ATR: variants seen among roughly 807,000 people sequenced by gnomAD.
The protein encoded by ATR is serine/threonine-protein kinase ATR.
A neutral mutation model predicts 305.3 loss-of-function variants in ATR; 142 were observed. The observed-to-expected ratio is 0.47, with a 90% confidence interval of 0.41 to 0.53. The LOEUF (loss-of-function observed/expected upper bound fraction) is 0.53. Among genes scored for constraint, ATR ranks in the 20% least tolerant of loss-of-function variants. ATR has a pLI of 0.00. For synonymous variants in ATR, 1,050 were observed against 1,068.1 expected (o/e 0.98, Z 0.33); for missense variants, 2,135 against 3,133.1 (o/e 0.68, Z 7.60).
intron 4 of ATR, among the ~76,000 whole-genome samples, chr3:142,561,832 A>C (rs933817461): frequency 8.1e-4 from 123 of 152,218 alleles, no homozygotes; most frequent in African/African-American, 2.8e-3. Flanking sequence ...AATAGAAAAA[A>C]GCGCATAATT....
At chr3:142,466,560 TTTG>T (rs774035404) in intron 39 of ATR, 27 bp from the exon 40 acceptor site, 2 of 1,589,450 alleles carry the variant, frequency 1.3e-6, no homozygotes, top group African/African-American at 2.7e-5. Flanking sequence ...TGCATTTTAA[TTTG>T]TTTTTACCTT....
Position 142,475,941 on chromosome 3 carries a change from GGTT to G in ATR, c.6222-5761_6222-5759del, listed in dbSNP as rs569767545. ...ATATCCTTCGCCCACTTTTTGATGG[GGTT>G]GTTTTTTTCTTGTAAATTTGTTTGA... On this transcript the variant is annotated intron_variant, in intron 36 of 46. Transcript: ENST00000350721. Among the ~76,000 whole-genome samples the G allele has an allele frequency of 8.9e-3, 1,349 of 152,124 alleles. 20 individuals carry two copies. Among genetic ancestry groups the G allele is most frequent in the African/African-American group, 0.031 (1,276 of 41,492 alleles).
intron 45 of ATR, among the ~76,000 whole-genome samples, chr3:142,455,002 A>G (rs2070874623): frequency 6.6e-6 from 1 of 152,228 alleles, no homozygotes; most frequent in African/African-American, 2.4e-5. Context: ...GTGACATGTT[A>G]TTGTGGAGAG....
intron 5 of ATR, among the ~76,000 whole-genome samples, chr3:142,560,932 T>C (rs1362648706): frequency 6.6e-6 from 1 of 152,232 alleles, no homozygotes; most frequent in Non-Finnish European, 1.5e-5. Context: ...ACTTAGCCAC[T>C]TTATAAAAAA....
intron 25 of ATR, among the ~76,000 whole-genome samples, chr3:142,514,571 T>C (rs2032769005): frequency 6.6e-6 from 1 of 150,972 alleles, no homozygotes; most frequent in Admixed American, 6.6e-5. Context: ...GAGGCGGAGC[T>C]TGCAGTGAGC....
Position 142,571,275 on chromosome 3 carries a change from G to A in ATR, c.60-3121C>T, listed in dbSNP as rs191239141. ...GAGGTCAGTAGATCTAAACCATCCC[G>A]GCTAACATGGTGAAACCCCATCTCT... On this transcript the variant is annotated intron_variant, in intron 1 of 46. Transcript: ENST00000350721. Among the ~76,000 whole-genome samples the A allele has an allele frequency of 2.0e-3, 306 of 152,138 alleles. 1 individual carries two copies. The highest frequency in any genetic ancestry group is 7.2e-3 in the African/African-American group (297 of 41,496).
chr3:142,506,472 T>C (rs1478445518), intron 28 of ATR, among the ~76,000 whole-genome samples: 1 of 152,058 alleles, frequency 6.6e-6, no homozygotes, highest in African/African-American at 2.4e-5. Context: ...GGCAGGCAGA[T>C]CACTTGAGGT....
intron 20 of ATR, 128 bp from the exon 21 acceptor site, chr3:142,535,333 T>A (rs557567173): frequency 9.8e-7 from 1 of 1,015,390 alleles, no homozygotes. Context: ...TAATGAAATT[T>A]CCATTCCTTC....
chr3:142,554,007 C>T lies in ATR; in HGVS notation c.2350G>A (p.Asp784Asn), dbSNP rs2108466107. 1 of 1,606,076 alleles carries T rather than the reference C, an allele frequency of 6.2e-7. No homozygotes were observed. The highest frequency in any genetic ancestry group is 1.1e-5 in the South Asian group (1 of 89,930). ...IPSPVKLAFI[D>N]NLHHLCKHLD... ...TGCTTACAAAGATGATGTAGATTATCTATGAAAGCTGAAGGACAAGAGTAT... is the reference window on the plus strand; with the variant it reads ...TGCTTACAAAGATGATGTAGATTATTTATGAAAGCTGAAGGACAAGAGTAT... The change falls in exon 11 of 47, where the codon GAT becomes AAT. Residue 784 changes from aspartate (D) to asparagine (N), a missense_variant. By Grantham distance (23) the Asp-to-Asn change is conservative. This residue lies in a region of ATR where 530 missense variants were observed against 766.8 expected (regional missense o/e 0.69). Transcript: ENST00000350721.
intron 16 of ATR, among the ~76,000 whole-genome samples, chr3:142,546,429 T>C (rs78314725): frequency 0.039 from 5,986 of 152,268 alleles, 394 homozygotes; most frequent in African/African-American, 0.14. Context: ...TAAATGTTTG[T>C]GTGTATGCCA....
In ATR at chr3:142,536,181, A is replaced by T. The variant is rs773984849; in HGVS notation, c.3746T>A (p.Leu1249His). ...ATCAGGTAAAAAATATATTTCATGAAGAAAATCTTGCACAGCATCCCTAAT... is the reference window on the plus strand; with the variant it reads ...ATCAGGTAAAAAATATATTTCATGATGAAAATCTTGCACAGCATCCCTAAT... ...IENRDAVQDF[L>H]HEIYFLPDHP... Residue 1249 changes from leucine to histidine, a missense_variant, in exon 20 of 47, where the codon CTT becomes CAT. Physicochemically the swap from Leu to His is moderately conservative, Grantham distance 99. Coordinates refer to ENST00000350721, the MANE Select transcript of ATR (RefSeq NM_001184.4). The T allele has an allele frequency of 1.9e-6, 3 of 1,589,020 alleles. No individual in the cohort carries two copies. The highest frequency in any genetic ancestry group is 1.7e-5 in the Admixed American group (1 of 59,876).
chr3:142,573,836 G>A (rs992306442), intron 1 of ATR, among the ~76,000 whole-genome samples: 6 of 152,158 alleles, frequency 3.9e-5, no homozygotes, highest in Non-Finnish European at 7.3e-5. Context: ...CCGCATGTGA[G>A]GTGGTCAATG....
Position 142,498,763 on chromosome 3 carries a change from T to A in ATR, c.5392A>T (p.Thr1798Ser), listed in dbSNP as rs1422842331. The A allele has an allele frequency of 1.2e-6, 2 of 1,614,100 alleles. No homozygotes were observed. The highest frequency in any genetic ancestry group is 1.6e-4 in the Middle Eastern group (1 of 6,062). The stretch of plus-strand genomic sequence containing the variant: ...TGTCCCAGTCTGACACTCCATGTTG[T>A]AGATTTTCCATCTGAAAAACAAATG... Reference protein sequence around the residue: ...ENYLAADGKSTTWSVRLGQLL... With the variant: ...ENYLAADGKSSTWSVRLGQLL... Residue 1798 changes from threonine (T) to serine (S), a missense_variant, in exon 32 of 47, where the codon ACA (threonine) becomes TCA (serine). Physicochemically the swap from Thr to Ser is moderately conservative, Grantham distance 58. Around this residue, in one of 9 missense-constraint regions of ATR, gnomAD observed 117 missense variants for 198.3 expected, o/e 0.59. Transcript: ENST00000350721.
rs750316781 is a variant in ATR, at chr3:142,449,474, T to C, written c.7890A>G (p.Glu2630=). The change falls in exon 47 of 47, where the codon GAA becomes GAG. Residue 2630 remains glutamate, a synonymous_variant. Transcript: ENST00000350721. The stretch of plus-strand genomic sequence containing the variant: ...CAAGATACATCTGGCATAGTAAGTT[T>C]TCATCAGTAGCTTCCTGTATAAGGT... ...VHYLIQEATD[E]NLLCQMYLGW... is the part of the protein sequence containing the mutation. 1 of 1,613,304 alleles carries C rather than the reference T, an allele frequency of 6.2e-7. No individual in the cohort carries two copies. Among genetic ancestry groups the C allele is most frequent in the Non-Finnish European group, 8.5e-7 (1 of 1,179,208 alleles).
At position 142,547,737 on chromosome 3, in the gene ATR, T is replaced by C. The variant is rs2034322942; in HGVS notation, c.3345A>G (p.Ser1115=). 1.2e-6 allele frequency: 2 copies of C among 1,613,646 alleles called. No homozygotes were observed. Among genetic ancestry groups the C allele is most frequent in the African/African-American group, 2.7e-5 (2 of 74,904 alleles). ...ACATATTCCTTACCATCAGTTCAGG[T>C]GATATGATATCTCTCGGGCCCTGAT... The part of the protein sequence containing the change: ...DPYQGPRDII[S]PELMADYLQP... The change falls in exon 16 of 47, where the codon TCA becomes TCG. Residue 1115 remains serine, a synonymous_variant. Transcript: ENST00000350721.
chr3:142,506,677 AC>A (rs1192002950), intron 28 of ATR, among the ~76,000 whole-genome samples: 2 of 152,148 alleles, frequency 1.3e-5, no homozygotes, highest in African/African-American at 2.4e-5. Context: ...ATAGAGCAAG[AC>A]CCTATCTCAA....
At chr3:142,546,693 C>T (rs1255870089) in intron 16 of ATR, among the ~76,000 whole-genome samples, 1 of 151,808 alleles carries the variant, frequency 6.6e-6, no homozygotes, top group African/African-American at 2.4e-5. Context: ...AACAGTGAAG[C>T]AAAAAAGAAA....
chr3:142,455,396 A>G (rs1317016656), intron 45 of ATR, among the ~76,000 whole-genome samples: 1 of 152,206 alleles, frequency 6.6e-6, no homozygotes, highest in Non-Finnish European at 1.5e-5. Context: ...CCTTCCTATC[A>G]AAATCCAAGC....
At chr3:142,486,873 T>C (rs2030959531) in intron 35 of ATR, among the ~76,000 whole-genome samples, 2 of 140,862 alleles carry the variant, frequency 1.4e-5, no homozygotes, top group African/African-American at 2.7e-5. Flanking sequence ...CCCAGCACTT[T>C]GGGAGGCCCA....
Sources: allele counts gnomAD v4.1 joint callset (sites outside exome capture counted in the v4.1 genomes callset), GRCh38; gene constraint gnomAD v4.1.1; regional missense constraint gnomAD v4.1.1; transcripts MANE v1.5; gene names NCBI Gene and HGNC (gene_info 2026-07-23, HGNC 2026-07-21).